Variants in MICAL2 observed in about 807,000 individuals in gnomAD.
The protein encoded by MICAL2 is microtubule associated monooxygenase, calponin and LIM domain containing 2.
MICAL2 carries 77 observed loss-of-function variants against 127.3 expected under a neutral mutation model. The ratio of observed to expected loss-of-function variants is 0.60; its 90% CI spans 0.50 to 0.73. The LOEUF (loss-of-function observed/expected upper bound fraction) is 0.73. Ranked by LOEUF, MICAL2 falls within the 30% of genes least tolerant of loss-of-function variation. The probability of loss-of-function intolerance (pLI) is 0.00; values close to 1 mark genes in which losing one functional copy is unlikely to be tolerated. For synonymous variants in MICAL2, 570 were observed against 551.1 expected, an observed-to-expected ratio of 1.03 and a Z score of -0.48; for missense variants, 1,351 against 1,434.4, an observed-to-expected ratio of 0.94 and a Z score of 0.94.
chr11:12,361,312 C>T (rs910284668), downstream of MICAL2, among the ~76,000 whole-genome samples: 17 of 152,122 alleles, frequency 1.1e-4, no homozygotes, highest in African/African-American at 4.1e-4. Flanking sequence ...CTCTGAATGC[C>T]CATGGGGTTC....
chr11:12,188,032 A>G (rs956404421), intron 3 of MICAL2, among the ~76,000 whole-genome samples: 1 of 152,092 alleles, frequency 6.6e-6, no homozygotes, highest in East Asian at 1.9e-4. Flanking sequence ...ATATGTGGGC[A>G]ATTCCCTCCT....
intron 15 of MICAL2, among the ~76,000 whole-genome samples, chr11:12,234,561 G>A (rs1288920662): frequency 1.3e-5 from 2 of 152,236 alleles, no homozygotes; most frequent in African/African-American, 4.8e-5. Context: ...CAGAAGCTGA[G>A]GAAAACGTTC....
At chr11:12,312,885 G>C (rs953578107) in intron 29 of MICAL2, among the ~76,000 whole-genome samples, 1 of 152,040 alleles carries the variant, frequency 6.6e-6, no homozygotes, top group Non-Finnish European at 1.5e-5. Flanking sequence ...ATCTAGAGTC[G>C]GCCGGGCGCT....
chr11:12,332,419 A>G (rs1204602851), intron 32 of MICAL2, among the ~76,000 whole-genome samples: 1 of 152,236 alleles, frequency 6.6e-6, no homozygotes, highest in Non-Finnish European at 1.5e-5. Context: ...GTCACATAAT[A>G]TAATGGGATA....
At chr11:12,242,581 G>C (rs1860130357) in intron 19 of MICAL2, 90 bp from the exon 20 acceptor site, 1 of 1,446,336 alleles carries the variant, frequency 6.9e-7, no homozygotes, top group Non-Finnish European at 9.7e-7. Flanking sequence ...AAGGCCCCCG[G>C]CTGCCTCCCT....
intron 13 of MICAL2, among the ~76,000 whole-genome samples, chr11:12,225,127 T>C (rs1857263742): frequency 6.8e-6 from 1 of 147,802 alleles, no homozygotes; most frequent in Admixed American, 6.7e-5. Flanking sequence ...ATTCACACCT[T>C]GGAGCTTCAC....
At chr11:12,114,189 C>G (rs780857117) in intron 1 of MICAL2, among the ~76,000 whole-genome samples, 1 of 152,222 alleles carries the variant, frequency 6.6e-6, no homozygotes, top group Non-Finnish European at 1.5e-5. Flanking sequence ...TTCTCCCTTC[C>G]CCTCTGAAAG....
chr11:12,292,023 A>G, downstream of MICAL2: 2 of 1,254,664 alleles, frequency 1.6e-6, no homozygotes, highest in South Asian at 2.9e-5. Context: ...CCTCTGAGTC[A>G]GGCTCTGACA....
At chr11:12,253,911 A>G (rs1427882512) in intron 22 of MICAL2, 1 of 152,218 alleles carries the variant, frequency 6.6e-6, no homozygotes, top group African/African-American at 2.4e-5. Flanking sequence ...GTTGGTGATT[A>G]ACTCAACCTT....
intron 3 of MICAL2, among the ~76,000 whole-genome samples, chr11:12,201,431 G>A: frequency 6.6e-6 from 1 of 151,340 alleles, no homozygotes; most frequent in Non-Finnish European, 1.5e-5. Context: ...TTGATCTCAA[G>A]CAGAAGGGCA....
At chr11:12,346,170 A>G (rs377744479) in intron 32 of MICAL2, among the ~76,000 whole-genome samples, 151 of 152,314 alleles carry the variant, frequency 9.9e-4, no homozygotes, top group African/African-American at 3.2e-3. Context: ...GGATAATTAT[A>G]GAGCAGCCAC....
At position 12,239,455 on chromosome 11, in the gene MICAL2, G is replaced by T. The variant is rs143547096; in HGVS notation, c.2084G>T (p.Arg695Leu). The change falls in exon 17 of 28, where the codon CGT (arginine) becomes CTT (leucine). Residue 695 changes from arginine to leucine, a missense_variant. Around this residue, in one of 2 missense-constraint regions of MICAL2, gnomAD observed 752 missense variants for 719.4 expected, o/e 1.05. Coordinates refer to ENST00000683283, the MANE Select transcript of MICAL2 (RefSeq NM_001282663.2). ...TTGCAGCCTTCAAACTTTTCCAGCC[G>T]TAGCTTGGGCTCCAATCAAGAGTGT... ...NLDEPSNFSS[R>L]SLGSNQECGS... The T allele has an allele frequency of 6.2e-7, 1 of 1,614,150 alleles. No homozygotes were observed. Among genetic ancestry groups the T allele is most frequent in the East Asian group, 2.2e-5 (1 of 44,882 alleles).
At chr11:12,325,497 G>A (rs570876099) in intron 31 of MICAL2, among the ~76,000 whole-genome samples, 4 of 152,200 alleles carry the variant, frequency 2.6e-5, no homozygotes, top group Admixed American at 1.3e-4. Flanking sequence ...TTAAACAACA[G>A]AAACTTATTT....
Position 12,250,554 on chromosome 11 carries a change from G to A in MICAL2, c.2847+1308G>A, listed in dbSNP as rs573286668. Among the ~76,000 whole-genome samples, 6 of 152,348 alleles carry A rather than the reference G, an allele frequency of 3.9e-5. No individual in the cohort carries two copies. In the South Asian group the frequency reaches 6.2e-4, roughly 16 times the overall value. On this transcript the variant is annotated intron_variant, in intron 22 of 27. Coordinates refer to ENST00000683283, the MANE Select transcript of MICAL2 (RefSeq NM_001282663.2). Reference sequence around the variant, plus strand: ...AAATGGCGTATGTGAGGTTAACCTCGTGTAATGTGAGATGATTGCCCTCCT... The same window carrying A: ...AAATGGCGTATGTGAGGTTAACCTCATGTAATGTGAGATGATTGCCCTCCT...
chr11:12,167,814 A>G (rs961778542), intron 3 of MICAL2, among the ~76,000 whole-genome samples: 3 of 152,170 alleles, frequency 2.0e-5, no homozygotes, highest in Admixed American at 6.5e-5. Context: ...ACAGCTGCAC[A>G]TGGAATGTGT....
chr11:12,287,066 T>G, intron 2 of MICAL2: 1 of 398,970 alleles, frequency 2.5e-6, no homozygotes. Context: ...CCATCTTCCC[T>G]GTCCCTTTCT....
At chr11:12,189,945 C>T (rs997235410) in intron 3 of MICAL2, among the ~76,000 whole-genome samples, 1 of 152,240 alleles carries the variant, frequency 6.6e-6, no homozygotes, top group African/African-American at 2.4e-5. Context: ...ATCTATCATA[C>T]AGTAATCATG....
At chr11:12,358,684 T>A (rs116231754), downstream of MICAL2, 2 of 393,788 alleles carry the variant, frequency 5.1e-6, no homozygotes, top group Admixed American at 4.2e-5. Context: ...ACCCAAAGAC[T>A]CTTTGGCAAT....
At chr11:12,291,365 G>A (rs117171761), downstream of MICAL2, among the ~76,000 whole-genome samples, 2,962 of 152,222 alleles carry the variant, frequency 0.019, 78 homozygotes, top group East Asian at 0.14. Flanking sequence ...AAGACAGTGC[G>A]CACATGTGAG....
Sources: allele counts gnomAD v4.1 joint callset (sites outside exome capture counted in the v4.1 genomes callset), GRCh38; gene constraint gnomAD v4.1.1; regional missense constraint gnomAD v4.1.1; transcripts MANE v1.5; gene names NCBI Gene and HGNC (gene_info 2026-07-23, HGNC 2026-07-21).